The following GNAQ variants were observed in gnomAD, a reference collection of about 807,000 sequenced individuals.
GNAQ encodes the protein G protein subunit alpha q.
A neutral mutation model predicts 43.9 loss-of-function variants in GNAQ; 8 were observed. The ratio of observed to expected loss-of-function variants is 0.18; its 90% confidence interval spans 0.11 to 0.33. GNAQ has a LOEUF of 0.33. Ranked by LOEUF, GNAQ falls within the 10% of genes least tolerant of loss-of-function variation. The pLI, the probability that GNAQ is intolerant of heterozygous loss-of-function variation, is 1.00. For synonymous variants in GNAQ, 155 were observed against 170.7 expected (o/e 0.91, Z 0.71); for missense variants, 158 against 450.8 (o/e 0.35, Z 5.88).
At chr9:78,003,297 C>T (rs979894442) in intron 1 of GNAQ, among the ~76,000 whole-genome samples, 2 of 152,124 alleles carry the variant, frequency 1.3e-5, no homozygotes, top group Non-Finnish European at 1.5e-5. Flanking sequence ...AGTTTCTCAC[C>T]AGAATTCTTT....
intron 2 of GNAQ, among the ~76,000 whole-genome samples, chr9:77,828,290 T>C (rs1827239053): frequency 6.6e-6 from 1 of 151,970 alleles, no homozygotes; most frequent in Admixed American, 6.6e-5. Flanking sequence ...TTTGTAAAAA[T>C]GGACAATTTC....
rs373665645 is a variant in GNAQ at position 77,998,215 on chromosome 9, T to C, written c.136+32885A>G. 5.3e-5 allele frequency among the ~76,000 whole-genome samples: 8 copies of C among 152,138 alleles called. No individual in the cohort carries two copies. In the South Asian group the frequency reaches 1.7e-3, roughly 32 times the overall value. ...TTCCCACTAACTGATCAGGATACAC[T>C]CACAGTTCACCCGCAAGAGCAGACA... On this transcript the variant is annotated intron_variant, in intron 1 of 6. Coordinates refer to ENST00000286548, the MANE Select transcript of GNAQ (RefSeq NM_002072.5).
chr9:77,996,418 G>A (rs1441376460), intron 1 of GNAQ, among the ~76,000 whole-genome samples: 1 of 152,064 alleles, frequency 6.6e-6, no homozygotes, highest in Admixed American at 6.5e-5. Context: ...GGTGGCTCAC[G>A]CCTGTAATCC....
At chr9:77,849,567 C>T (rs984982344) in intron 2 of GNAQ, among the ~76,000 whole-genome samples, 6 of 152,178 alleles carry the variant, frequency 3.9e-5, no homozygotes, top group African/African-American at 1.4e-4. Flanking sequence ...GGCTTTTCAA[C>T]CTGCTTCCTA....
chr9:77,740,075 A>G (rs1351459864), intron 5 of GNAQ, among the ~76,000 whole-genome samples: 1 of 152,238 alleles, frequency 6.6e-6, no homozygotes, highest in Non-Finnish European at 1.5e-5. Context: ...AAATAACCCA[A>G]AACAATTCAG....
At chr9:77,916,378 G>T (rs1052788813) in intron 2 of GNAQ, among the ~76,000 whole-genome samples, 4 of 152,160 alleles carry the variant, frequency 2.6e-5, no homozygotes, top group African/African-American at 9.7e-5. Context: ...ATTCACTCAT[G>T]TTGCACAAAG....
intron 1 of GNAQ, among the ~76,000 whole-genome samples, chr9:77,925,576 T>G (rs184559100): frequency 8.3e-4 from 127 of 152,326 alleles, no homozygotes; most frequent in African/African-American, 3.0e-3. Flanking sequence ...CATCTTCCAA[T>G]TGACCAGCCC....
intron 1 of GNAQ, among the ~76,000 whole-genome samples, chr9:77,994,936 T>C (rs1823550449): frequency 1.3e-5 from 2 of 152,350 alleles, no homozygotes; most frequent in South Asian, 2.1e-4. Context: ...TAGTAAAAAG[T>C]GTCACTTGGG....
intron 2 of GNAQ, among the ~76,000 whole-genome samples, chr9:77,921,122 T>A (rs1410013537): frequency 1.3e-5 from 2 of 152,230 alleles, no homozygotes; most frequent in Admixed American, 6.5e-5. Flanking sequence ...CAGTGTTTTA[T>A]CAACAAAAGG....
chr9:77,822,428 T>C (rs1827132017), intron 2 of GNAQ, among the ~76,000 whole-genome samples: 1 of 152,140 alleles, frequency 6.6e-6, no homozygotes, highest in South Asian at 2.1e-4. Context: ...CCTGATATTA[T>C]ACCTCAGAAA....
At chr9:77,839,546 C>T (rs1827448772) in intron 2 of GNAQ, among the ~76,000 whole-genome samples, 1 of 152,224 alleles carries the variant, frequency 6.6e-6, no homozygotes, top group South Asian at 2.1e-4. Flanking sequence ...TAACGTTCTG[C>T]ATTCCAGTAT....
chr9:77,990,616 T>C (rs529358602), intron 1 of GNAQ, among the ~76,000 whole-genome samples: 10 of 152,234 alleles, frequency 6.6e-5, no homozygotes, highest in Admixed American at 5.9e-4. Context: ...GGGGTGAATA[T>C]GTGTGCATAT....
intron 2 of GNAQ, among the ~76,000 whole-genome samples, chr9:77,918,463 CTATT>C (rs1221473097): frequency 2.6e-5 from 4 of 151,524 alleles, no homozygotes; most frequent in South Asian, 2.1e-4. Flanking sequence ...ATTCTTTAGA[CTATT>C]TATAAATTAT....
rs1017160546 is a variant in GNAQ, at chr9:77,879,143, A to C, written c.321+43018T>G. On this transcript the variant is annotated intron_variant, in intron 2 of 6. Transcript: ENST00000286548. ...TAAAAACGAACTAAGAGCATCTGAA[A>C]AATAGAAAAAAATACAGGAAAATAC... Among the ~76,000 whole-genome samples the C allele has an allele frequency of 2.0e-5, 3 of 152,220 alleles. No homozygotes were observed. The South Asian group carries it at 6.2e-4, about 31-fold the overall frequency.
At chr9:77,948,119 C>A (rs1427448511) in intron 1 of GNAQ, among the ~76,000 whole-genome samples, 1 of 152,042 alleles carries the variant, frequency 6.6e-6, no homozygotes, top group Admixed American at 6.5e-5. Flanking sequence ...ACCTATCATA[C>A]AAAGGAACAA....
At chr9:77,736,801 C>T (rs566243247) in intron 5 of GNAQ, among the ~76,000 whole-genome samples, 38 of 152,134 alleles carry the variant, frequency 2.5e-4, no homozygotes, top group South Asian at 6.2e-4. Flanking sequence ...TAACCCTTTC[C>T]GATGTGGAAG....
At chr9:78,028,045 AT>A (rs1360146990) in intron 1 of GNAQ, among the ~76,000 whole-genome samples, 2 of 152,214 alleles carry the variant, frequency 1.3e-5, no homozygotes, top group Non-Finnish European at 2.9e-5. Flanking sequence ...CAACAGAAAT[AT>A]TTAGTGAATA....
At chr9:77,980,028 G>A (rs1357645611) in intron 1 of GNAQ, among the ~76,000 whole-genome samples, 1 of 152,208 alleles carries the variant, frequency 6.6e-6, no homozygotes, top group East Asian at 1.9e-4. Context: ...AAAGTTACAA[G>A]AGAATCAATG....
At chr9:77,834,051 G>A (rs1827343867) in intron 2 of GNAQ, among the ~76,000 whole-genome samples, 1 of 152,030 alleles carries the variant, frequency 6.6e-6, no homozygotes, top group Non-Finnish European at 1.5e-5. Flanking sequence ...CCAATAAATA[G>A]TATGAGTTTT....
Sources: gnomAD v4.1 joint callset for allele counts (sites outside exome capture counted in the v4.1 genomes callset) on GRCh38, gnomAD v4.1.1 for gene constraint, MANE v1.5 for transcripts, NCBI Gene and HGNC (gene_info 2026-07-23, HGNC 2026-07-21) for gene names.